ST7: variants seen among roughly 807,000 people sequenced by gnomAD.
ST7 encodes the protein suppression of tumorigenicity 7.
In ST7, 28 loss-of-function variants were observed where a neutral mutation model predicts 78.7. That is an observed-to-expected ratio of 0.36 (90% CI 0.26 to 0.49). The LOEUF (loss-of-function observed/expected upper bound fraction) is 0.49. Ranked by LOEUF, ST7 falls within the 20% of genes least tolerant of loss-of-function variation. The pLI is 0.99. For missense variants in ST7, 418 were observed against 696.0 expected (o/e 0.60, Z 4.49); for synonymous variants, 247 against 249.6 (o/e 0.99, Z 0.10).
In ST7 at chr7:117,066,764, CAAAAAAAAAAAAA is replaced by C. The variant is rs35246518; in HGVS notation, c.152-32987_152-32975del. 1.1e-4 allele frequency among the ~76,000 whole-genome samples: 8 copies of C among 74,740 alleles called. No homozygotes were observed. In the East Asian group the frequency reaches 3.8e-3, roughly 36 times the overall value. 49.0% of individuals were successfully genotyped at this position (74,740 alleles called of 152,430 possible). A position where few individuals can be genotyped will look rare whatever the true frequency, so the allele number is the denominator to read the frequency against. On this transcript the variant is annotated intron_variant, in intron 1 of 15. Coordinates refer to ENST00000323984, the MANE Select transcript of ST7 (RefSeq NM_001369598.1). ...CAACAGAGTGAGACTGACTCCGTCT[CAAAAAAAAAAAAA>C]AAAAAAAAAAGTGGGATTCAGTGGT...
chr7:117,078,366 G>A (rs1320749631), intron 1 of ST7, among the ~76,000 whole-genome samples: 1 of 152,238 alleles, frequency 6.6e-6, no homozygotes, highest in Non-Finnish European at 1.5e-5. Context: ...TACAACTTTA[G>A]TTTTAGGAGC....
intron 2 of ST7, among the ~76,000 whole-genome samples, chr7:117,111,929 T>G (rs1470018249): frequency 6.6e-6 from 1 of 152,214 alleles, no homozygotes; most frequent in Non-Finnish European, 1.5e-5. Flanking sequence ...ATGCATACAA[T>G]TCTGTATGTT....
chr7:117,161,263 G>A (rs1807119824), intron 9 of ST7, among the ~76,000 whole-genome samples: 1 of 151,962 alleles, frequency 6.6e-6, no homozygotes, highest in African/African-American at 2.4e-5. Flanking sequence ...CATATGAAAA[G>A]TACATGTCAC....
At chr7:116,971,514 T>TG (rs1164726129) in intron 1 of ST7, among the ~76,000 whole-genome samples, 1 of 149,944 alleles carries the variant, frequency 6.7e-6, no homozygotes, top group Non-Finnish European at 1.5e-5. Context: ...TCAATTCTAA[T>TG]GAAAAAAAAA....
chr7:117,217,192 TTGAAAAC>T (rs1366104041), intron 13 of ST7, among the ~76,000 whole-genome samples: 1 of 152,090 alleles, frequency 6.6e-6, no homozygotes, highest in Non-Finnish European at 1.5e-5. Context: ...TATAGCCACT[TTGAAAAC>T]TGAGGGTTTA....
chr7:117,154,550 A>G (rs745752544), intron 9 of ST7, among the ~76,000 whole-genome samples: 1 of 152,148 alleles, frequency 6.6e-6, no homozygotes, highest in Non-Finnish European at 1.5e-5. Context: ...TGTTTACTTG[A>G]TTAGATAGAA....
chr7:117,224,870 A>C (rs1329531418), intron 15 of ST7, among the ~76,000 whole-genome samples: 2 of 152,186 alleles, frequency 1.3e-5, no homozygotes, highest in African/African-American at 4.8e-5. Context: ...GTGTGCCATC[A>C]CAGCTGTTCA....
In ST7 at chr7:117,133,696, T is replaced by A. The variant is rs530932538; in HGVS notation, c.642-428T>A. On this transcript the variant is annotated intron_variant, in intron 6 of 15. Transcript: ENST00000323984. ...TGTTTTATTATTATTATTATTATTG[T>A]TATTTTTGCAAGCTTCAGCTAATTT... Among the ~76,000 whole-genome samples the A allele has an allele frequency of 1.4e-4, 21 of 152,000 alleles. No homozygotes were observed. The South Asian group carries it at 4.1e-3, about 30-fold the overall frequency.
chr7:117,110,668 A>G (rs1390145798), intron 2 of ST7, among the ~76,000 whole-genome samples: 2 of 152,230 alleles, frequency 1.3e-5, no homozygotes, highest in Non-Finnish European at 2.9e-5. Flanking sequence ...TTATTCTAGC[A>G]GTAGCGTGGT....
Position 117,091,092 on chromosome 7 carries a change from G to A in ST7, c.152-8670G>A, listed in dbSNP as rs145115066. ...AAGTTGCCTAGGCGACATCGGGAGTGGAAGGAAGAGTAGACAGAATGATTT... is the reference window on the plus strand; with the variant it reads ...AAGTTGCCTAGGCGACATCGGGAGTAGAAGGAAGAGTAGACAGAATGATTT... On this transcript the variant is annotated intron_variant, in intron 1 of 15. Transcript: ENST00000323984. Among the ~76,000 whole-genome samples, 728 of 152,292 alleles carry A rather than the reference G, an allele frequency of 4.8e-3. 10 individuals are homozygous for A. Among genetic ancestry groups the A allele is most frequent in the African/African-American group, 0.017 (697 of 41,542 alleles).
intron 1 of ST7, among the ~76,000 whole-genome samples, chr7:117,046,615 T>C (rs1248692596): frequency 6.6e-6 from 1 of 152,136 alleles, no homozygotes; most frequent in Admixed American, 6.5e-5. Context: ...TATTCTTCTT[T>C]GTTTTACCAA....
intron 1 of ST7, among the ~76,000 whole-genome samples, chr7:117,037,909 GA>G (rs1796979760): frequency 6.6e-6 from 1 of 152,186 alleles, no homozygotes; most frequent in African/African-American, 2.4e-5. Flanking sequence ...TGGAGATGTT[GA>G]TGATTGATAT....
intron 15 of ST7, among the ~76,000 whole-genome samples, chr7:117,225,009 G>T (rs983540901): frequency 6.6e-6 from 1 of 152,196 alleles, no homozygotes; most frequent in African/African-American, 2.4e-5. Context: ...GGGCAACTCA[G>T]TTGTCAAGCA....
intron 1 of ST7, among the ~76,000 whole-genome samples, chr7:117,041,740 G>A (rs1236220321): frequency 6.6e-6 from 1 of 152,154 alleles, no homozygotes; most frequent in African/African-American, 2.4e-5. Context: ...GGTAAACACA[G>A]TAATGGCCCC....
intron 15 of ST7, among the ~76,000 whole-genome samples, chr7:117,226,279 T>C (rs531180813): frequency 7.2e-5 from 11 of 152,330 alleles, no homozygotes; most frequent in Admixed American, 5.9e-4. Flanking sequence ...AATTGAAATG[T>C]CGTTCTCTTT....
At chr7:117,160,616 A>G (rs947843198) in intron 9 of ST7, among the ~76,000 whole-genome samples, 3 of 151,896 alleles carry the variant, frequency 2.0e-5, no homozygotes, top group African/African-American at 7.3e-5. Context: ...GCATATGTAT[A>G]TATTACATAT....
At chr7:117,072,681 A>G (rs1799048204) in intron 1 of ST7, 1 of 152,212 alleles carries the variant, frequency 6.6e-6, no homozygotes, top group Non-Finnish European at 1.5e-5. Flanking sequence ...GTGAAATCCC[A>G]TTGACAACCT....
At chr7:117,026,910 G>A (rs1796211818) in intron 1 of ST7, among the ~76,000 whole-genome samples, 1 of 152,214 alleles carries the variant, frequency 6.6e-6, no homozygotes, top group African/African-American at 2.4e-5. Flanking sequence ...CCCAATAGGA[G>A]GTTTGAGGGG....
intron 9 of ST7, among the ~76,000 whole-genome samples, chr7:117,147,752 C>T (rs1339380949): frequency 1.3e-5 from 2 of 152,032 alleles, no homozygotes; most frequent in African/African-American, 4.8e-5. Flanking sequence ...TCCTTCTCCC[C>T]CTCTATCCTC....
Sources: gnomAD v4.1 joint callset for allele counts (sites outside exome capture counted in the v4.1 genomes callset) on GRCh38, gnomAD v4.1.1 for gene constraint, MANE v1.5 for transcripts, NCBI Gene and HGNC (gene_info 2026-07-23, HGNC 2026-07-21) for gene names.